BAZ1A: variants seen among roughly 807,000 people sequenced by gnomAD.
BAZ1A encodes bromodomain adjacent to zinc finger domain protein 1A.
BAZ1A carries 50 observed loss-of-function variants against 185.2 expected under a neutral mutation model. The observed-to-expected ratio is 0.27, with a 90% CI of 0.22 to 0.34. The LOEUF (loss-of-function observed/expected upper bound fraction) is 0.34. BAZ1A is among the 10% of genes least tolerant of loss of function. The probability of loss-of-function intolerance (pLI) is 1.00; values close to 1 mark genes in which losing one functional copy is unlikely to be tolerated. For synonymous variants in BAZ1A, 571 were observed against 615.6 expected, an observed-to-expected ratio of 0.93 and a Z score of 1.07; for missense variants, 1,356 against 1,839.9, an observed-to-expected ratio of 0.74 and a Z score of 4.81.
chr14:34,807,370 A>C (rs1881908447), intron 6 of BAZ1A, 81 bp downstream of exon 6: 1 of 954,624 alleles, frequency 1.0e-6, no homozygotes, highest in Non-Finnish European at 1.5e-6. Context: ...CTTTGAAATA[A>C]CATTTCAGCA....
chr14:34,844,064 G>A (rs1311386228), intron 3 of BAZ1A, among the ~76,000 whole-genome samples: 1 of 150,898 alleles, frequency 6.6e-6, no homozygotes, highest in African/African-American at 2.4e-5. Context: ...AAATTAGCCG[G>A]GCGTGGTAGC....
intron 4 of BAZ1A, among the ~76,000 whole-genome samples, chr14:34,811,469 T>A (rs1257836951): frequency 6.6e-6 from 1 of 152,098 alleles, no homozygotes; most frequent in Non-Finnish European, 1.5e-5. Flanking sequence ...AAATTTTATT[T>A]TTTTTTTAAG....
chr14:34,776,645 T>A (rs1879634592), intron 17 of BAZ1A, 130 bp from the exon 18 acceptor site: 2 of 710,052 alleles, frequency 2.8e-6, no homozygotes, highest in African/African-American at 3.6e-5. Context: ...CAACCCCAAG[T>A]TCATATGTTG....
intron 3 of BAZ1A, among the ~76,000 whole-genome samples, chr14:34,836,868 A>AT (rs1023970009): frequency 2.6e-5 from 4 of 152,056 alleles, no homozygotes. Flanking sequence ...AAAGGAAAAG[A>AT]TTGCTTTGTT....
intron 3 of BAZ1A, among the ~76,000 whole-genome samples, chr14:34,858,744 A>T (rs147277627): frequency 0.021 from 3,219 of 151,998 alleles, 129 homozygotes; most frequent in African/African-American, 0.074. Flanking sequence ...GGCAAAAAAT[A>T]AATAAATTTT....
intron 3 of BAZ1A, among the ~76,000 whole-genome samples, chr14:34,828,957 C>A (rs1347980359): frequency 6.6e-5 from 10 of 152,130 alleles, no homozygotes; most frequent in Non-Finnish European, 1.0e-4. Flanking sequence ...TGCATCTGTA[C>A]CTGCTCTGTA....
chr14:34,776,131 C>A lies in BAZ1A; in HGVS notation c.2621G>T (p.Gly874Val). The A allele has an allele frequency of 6.2e-7, 1 of 1,614,168 alleles. No homozygotes were observed. The highest frequency in any genetic ancestry group is 8.5e-7 in the Non-Finnish European group (1 of 1,180,026). The change falls in exon 18 of 27, where the codon GGT becomes GTT. Residue 874 changes from glycine to valine, a missense_variant. Gly to Val is a moderately radical substitution (Grantham distance 109). Around this residue, in one of 7 missense-constraint regions of BAZ1A, gnomAD observed 434 missense variants for 561.7 expected, o/e 0.77. Coordinates refer to ENST00000360310, the MANE Select transcript of BAZ1A (RefSeq NM_013448.3). ...CAGCTGCACAGAATGGTCACGTGGA[C>A]CTTGGTCAATGTTGGAGGTAGATTC... ...MSESTSNIDQ[G>V]PRDHSVQLPK...
chr14:34,796,665 C>G (rs572896507), intron 9 of BAZ1A, among the ~76,000 whole-genome samples: 1 of 152,172 alleles, frequency 6.6e-6, no homozygotes, highest in African/African-American at 2.4e-5. Context: ...TCTAATAAAA[C>G]AGTGTAAATC....
At chr14:34,778,420 C>G (rs1959156) in intron 17 of BAZ1A, among the ~76,000 whole-genome samples, 112,679 of 152,072 alleles carry the variant, frequency 0.74, 42,531 homozygotes, top group East Asian at 0.97. Flanking sequence ...TTTGATAGTT[C>G]GGAAGTATTT....
At chr14:34,809,897 T>C (rs1390448646) in intron 5 of BAZ1A, among the ~76,000 whole-genome samples, 1 of 152,150 alleles carries the variant, frequency 6.6e-6, no homozygotes, top group African/African-American at 2.4e-5. Flanking sequence ...GCCCATAAAC[T>C]AAACAAATTT....
Position 34,776,464 on chromosome 14 carries a change from T to C in BAZ1A, c.2288A>G (p.Asn763Ser), listed in dbSNP as rs1443252798. 1.9e-6 allele frequency: 3 copies of C among 1,613,606 alleles called. No individual in the cohort carries two copies. The highest frequency in any genetic ancestry group is 2.7e-5 in the African/African-American group (2 of 74,866). ...AGTAAGAGGCTCTCTTGTTACACAG[T>C]TGATCTGTTCTTGCCTTGTAAATTC... ...FKEFTRQEQI[N>S]CVTREPLTAD... is the part of the protein sequence containing the mutation. The change falls in exon 18 of 27, where the codon AAC (asparagine) becomes AGC (serine). Residue 763 changes from asparagine to serine, a missense_variant. Physicochemically the swap from Asn to Ser is conservative, Grantham distance 46. Transcript: ENST00000360310.
chr14:34,873,467 T>G (rs2042984778), intron 2 of BAZ1A, among the ~76,000 whole-genome samples: 1 of 152,184 alleles, frequency 6.6e-6, no homozygotes, highest in Non-Finnish European at 1.5e-5. Context: ...TGGGATAAAT[T>G]AAGCGACGGG....
chr14:34,841,100 C>T (rs889830234), intron 3 of BAZ1A, among the ~76,000 whole-genome samples: 6 of 152,052 alleles, frequency 3.9e-5, no homozygotes, highest in Non-Finnish European at 7.3e-5. Context: ...AGGCACCCGC[C>T]ATCATGCCCT....
intron 3 of BAZ1A, among the ~76,000 whole-genome samples, chr14:34,836,772 T>A (rs902169303): frequency 2.0e-5 from 3 of 152,052 alleles, no homozygotes; most frequent in Non-Finnish European, 2.9e-5. Context: ...TATCTCATTT[T>A]AAGTGGAAGA....
At position 34,800,049 on chromosome 14, in the gene BAZ1A, G is replaced by A. The variant is rs112155216; in HGVS notation, c.1128+175C>T. Among the ~76,000 whole-genome samples, 125 of 152,256 alleles carry A rather than the reference G, an allele frequency of 8.2e-4. 2 individuals are homozygous for A. The South Asian group carries it at 0.023, about 27-fold the overall frequency. On this transcript the variant is annotated intron_variant, in intron 9 of 26. Transcript: ENST00000360310. ...TTCTAAAAGAGGTTTTAAGTGATGC[G>A]TAAAGGCATGTTAAATTTTCCAAAG...
chr14:34,780,657 C>A (rs749295965), intron 16 of BAZ1A, among the ~76,000 whole-genome samples: 81 of 151,962 alleles, frequency 5.3e-4, no homozygotes, highest in African/African-American at 1.6e-3. Context: ...TACACAATGG[C>A]ACAGAGCTCA....
At chr14:34,816,827 C>T (rs1022642327) in intron 4 of BAZ1A, 1 of 449,412 alleles carries the variant, frequency 2.2e-6, no homozygotes, top group Non-Finnish European at 4.5e-6. Flanking sequence ...TGTAGATCAA[C>T]TTCATTATTT....
chr14:34,783,072 T>C (rs773692281), intron 16 of BAZ1A, 47 bp downstream of exon 16: 1 of 1,385,898 alleles, frequency 7.2e-7, no homozygotes, highest in South Asian at 1.3e-5. Context: ...CTGGTTTTTA[T>C]TCTTTATGTA....
chr14:34,829,267 G>GAAAAAAA (rs60176426), intron 3 of BAZ1A, among the ~76,000 whole-genome samples: 1 of 86,492 alleles, frequency 1.2e-5, no homozygotes, highest in African/African-American at 4.6e-5. Flanking sequence ...CTCTGTCTCT[G>GAAAAAAA]AAAAAAAAAA....
Sources: gnomAD v4.1 joint callset for allele counts (sites outside exome capture counted in the v4.1 genomes callset) on GRCh38, gnomAD v4.1.1 for gene constraint, gnomAD v4.1.1 regional missense constraint, MANE v1.5 for transcripts, NCBI Gene and HGNC (gene_info 2026-07-23, HGNC 2026-07-21) for gene names.